The following C6orf141 variants were observed in gnomAD, a reference collection of about 807,000 sequenced individuals.
The protein encoded by C6orf141 is uncharacterized protein C6orf141.
For synonymous variants in C6orf141, 164 were observed against 140.5 expected (o/e 1.17, Z -1.18); for missense variants, 361 against 335.8 (o/e 1.07, Z -0.59).
downstream of C6orf141, among the ~76,000 whole-genome samples, chr6:49,553,764 A>G (rs1405388404): frequency 3.4e-5 from 4 of 116,984 alleles, no homozygotes; most frequent in Non-Finnish European, 7.0e-5. Flanking sequence ...GACAATAAAT[A>G]GTATCAACTT....
At chr6:49,558,064 T>G (rs6458698) in intron 4 of C6orf141, among the ~76,000 whole-genome samples, 50,203 of 125,888 alleles carry the variant, frequency 0.4, 8,957 homozygotes, top group East Asian at 0.48. Flanking sequence ...AATATGTTTT[T>G]TTTTTTTTTT....
downstream of C6orf141, among the ~76,000 whole-genome samples, chr6:49,553,372 GCATCTGAGCT>G (rs1207167556): frequency 6.6e-6 from 1 of 152,210 alleles, no homozygotes; most frequent in Admixed American, 6.5e-5. Flanking sequence ...GAGGAATTCA[GCATCTGAGCT>G]CATCTGTGTT....
At position 49,551,219 on chromosome 6, in the gene C6orf141, A is replaced by G; in HGVS notation, c.427A>G (p.Arg143Gly). 6.4e-7 allele frequency: 1 copy of G among 1,551,592 alleles called. No individual in the cohort carries two copies. The highest frequency in any genetic ancestry group is 8.7e-7 in the Non-Finnish European group (1 of 1,146,926). The change falls in exon 1 of 1, where the codon AGG becomes GGG. Residue 143 changes from arginine to glycine, a missense_variant. Coordinates refer to ENST00000529246, the MANE Select transcript of C6orf141 (RefSeq NM_001145652.2). The part of the protein sequence containing the change: ...VFQRQKRISG[R>G]RVAPPRDAAD... ...TCAACGACAAAAGCGAATTTCTGGC[A>G]GGCGTGTAGCCCCGCCGCGGGACGC...
chr6:49,551,451 G>A lies in C6orf141; in HGVS notation c.659G>A (p.Gly220Glu), dbSNP rs1770542971. 3 of 1,551,580 alleles carry A rather than the reference G, an allele frequency of 1.9e-6. No individual in the cohort carries two copies. In the East Asian group the frequency reaches 7.3e-5, roughly 38 times the overall value. Residue 220 changes from glycine (G) to glutamate (E), a missense_variant, in exon 1 of 1, where the codon GGG (glycine) becomes GAG (glutamate). Coordinates refer to ENST00000529246, the MANE Select transcript of C6orf141 (RefSeq NM_001145652.2). ...AESRALQART[G>E]ASRVHAAGRR... ...TCCCGGGCTCTCCAGGCACGAACAG[G>A]GGCATCCCGCGTCCACGCCGCGGGG...
At chr6:49,555,451 T>TTTTTG (rs1371866770), downstream of C6orf141, 1 of 152,102 alleles carries the variant, frequency 6.6e-6, no homozygotes, top group African/African-American at 2.4e-5. Context: ...AAGCATGAAT[T>TTTTTG]TTTTGTTTTG....
chr6:49,561,407 A>T (rs1773302350), intron 4 of C6orf141, among the ~76,000 whole-genome samples: 1 of 152,062 alleles, frequency 6.6e-6, no homozygotes, highest in Admixed American at 6.6e-5. Context: ...CCAGGTTCAG[A>T]ATCTTTAGAG....
intron 4 of C6orf141, among the ~76,000 whole-genome samples, chr6:49,558,966 C>T (rs1772673028): frequency 6.6e-6 from 1 of 151,662 alleles, no homozygotes; most frequent in South Asian, 2.1e-4. Flanking sequence ...CTCGGCCTCC[C>T]AAAGTGGTGG....
At chr6:49,560,539 T>G (rs1390806972) in intron 4 of C6orf141, 3 of 152,204 alleles carry the variant, frequency 2.0e-5, no homozygotes, top group African/African-American at 7.2e-5. Flanking sequence ...TTTAGCCTGT[T>G]GCTCAGGCTG....
chr6:49,560,583 C>G (rs1362465264), intron 4 of C6orf141: 1 of 152,228 alleles, frequency 6.6e-6, no homozygotes, highest in African/African-American at 2.4e-5. Flanking sequence ...TCACTGCAAC[C>G]ACCTGCCTCC....
chr6:49,551,184 C>T lies in C6orf141; in HGVS notation c.392C>T (p.Pro131Leu), dbSNP rs575445587. 1.7e-5 allele frequency: 26 copies of T among 1,551,628 alleles called. No individual in the cohort carries two copies. Among genetic ancestry groups the T allele is most frequent in the Middle Eastern group, 3.3e-4 (2 of 5,992 alleles). ...GEDHGEEPNY[P>L]SVFQRQKRIS... Reference sequence around the variant, plus strand: ...GACCACGGCGAGGAGCCCAACTACCCTTCTGTCTTTCAACGACAAAAGCGA... The same window carrying T: ...GACCACGGCGAGGAGCCCAACTACCTTTCTGTCTTTCAACGACAAAAGCGA... Residue 131 changes from proline to leucine, a missense_variant, in exon 1 of 1, where the codon CCT becomes CTT. Pro to Leu is a moderately conservative substitution (Grantham distance 98, BLOSUM62 -3). Coordinates refer to ENST00000529246, the MANE Select transcript of C6orf141 (RefSeq NM_001145652.2).
At position 49,551,353 on chromosome 6, in the gene C6orf141, G is replaced by T. The variant is rs1465856873; in HGVS notation, c.561G>T (p.Glu187Asp). ...AKGRMTTRTE[E>D]HFVTALTFRS... ...GTCGCATGACCACGAGGACTGAGGAGCACTTCGTGACCGCGCTCACTTTTC... is the reference window on the plus strand; with the variant it reads ...GTCGCATGACCACGAGGACTGAGGATCACTTCGTGACCGCGCTCACTTTTC... Residue 187 changes from glutamate (E) to aspartate (D), a missense_variant, in exon 1 of 1, where the codon GAG (glutamate) becomes GAT (aspartate). Physicochemically the swap from Glu to Asp is conservative, Grantham distance 45. Coordinates refer to ENST00000529246, the MANE Select transcript of C6orf141 (RefSeq NM_001145652.2). 5 of 1,551,724 alleles carry T rather than the reference G, an allele frequency of 3.2e-6. No homozygotes were observed. The highest frequency in any genetic ancestry group is 4.4e-6 in the Non-Finnish European group (5 of 1,146,990).
Position 49,551,662 on chromosome 6 carries a change from G to A in C6orf141, c.*135G>A. The stretch of plus-strand genomic sequence containing the variant: ...GAGGCTGGTGCAGCGCTTCGGGGAG[G>A]CAGATTAAGAACTGTAAGCAGCATA... On this transcript the variant is annotated 3_prime_UTR_variant, in exon 1 of 1. Coordinates refer to ENST00000529246, the MANE Select transcript of C6orf141 (RefSeq NM_001145652.2). 6.8e-7 allele frequency: 1 copy of A among 1,469,368 alleles called. No homozygotes were observed. The highest frequency in any genetic ancestry group is 1.5e-5 in the South Asian group (1 of 68,896). The allele number at this position is 1,469,368 out of a possible 1,614,324, so 91.0% of individuals were successfully genotyped here.
At chr6:49,558,059 G>GTTTTTTTTTTTTTTTTTTTTTTTGTT (rs1772349134) in intron 4 of C6orf141, among the ~76,000 whole-genome samples, 14 of 97,746 alleles carry the variant, frequency 1.4e-4, no homozygotes, top group African/African-American at 5.6e-4. Flanking sequence ...ACTCAAATAT[G>GTTTTTTTTTTTTTTTTTTTTTTTGTT]TTTTTTTTTT....
At chr6:49,555,606 T>G (rs1439179527), downstream of C6orf141, among the ~76,000 whole-genome samples, 2 of 148,250 alleles carry the variant, frequency 1.3e-5, no homozygotes, top group African/African-American at 5.0e-5. Flanking sequence ...CCTCCCGGGT[T>G]CATGCCATTC....
At chr6:49,557,623 G>T (rs534902510) in intron 4 of C6orf141, among the ~76,000 whole-genome samples, 1 of 152,148 alleles carries the variant, frequency 6.6e-6, no homozygotes, top group Non-Finnish European at 1.5e-5. Flanking sequence ...GGACCTAGGA[G>T]CCATTACTGT....
chr6:49,554,708 T>C (rs1457477692), downstream of C6orf141, among the ~76,000 whole-genome samples: 2 of 152,178 alleles, frequency 1.3e-5, no homozygotes, highest in African/African-American at 2.4e-5. Flanking sequence ...AAGTGATTTT[T>C]TTTTTCCTTT....
At chr6:49,560,218 G>A (rs562723632) in intron 4 of C6orf141, among the ~76,000 whole-genome samples, 1 of 152,202 alleles carries the variant, frequency 6.6e-6, no homozygotes, top group East Asian at 1.9e-4. Flanking sequence ...GGGTGGCTGA[G>A]GCAGAAGAAT....
At chr6:49,561,101 A>T (rs1315935898) in intron 4 of C6orf141, among the ~76,000 whole-genome samples, 3 of 140,792 alleles carry the variant, frequency 2.1e-5, no homozygotes, top group African/African-American at 2.6e-5. Context: ...TGTGAGAGTA[A>T]TTTTTTTTTT....
downstream of C6orf141, among the ~76,000 whole-genome samples, chr6:49,555,634 G>A (rs936069644): frequency 6.6e-5 from 10 of 150,812 alleles, no homozygotes; most frequent in Admixed American, 1.3e-4. Flanking sequence ...TCAGCCTCCC[G>A]AGCAGCCGGG....
Sources: allele counts gnomAD v4.1 joint callset (sites outside exome capture counted in the v4.1 genomes callset), GRCh38; gene constraint gnomAD v4.1.1; transcripts MANE v1.5; gene names NCBI Gene and HGNC (gene_info 2026-07-23, HGNC 2026-07-21).